Variants in TMTC2 observed in about 807,000 individuals in gnomAD.
TMTC2 encodes the protein transmembrane O-mannosyltransferase targeting cadherins 2.
Under a neutral mutation model 82.4 loss-of-function variants are expected in TMTC2, and 43 were observed. The observed-to-expected ratio is 0.52, with a 90% CI of 0.41 to 0.67. TMTC2 has a LOEUF of 0.67. Among genes scored for constraint, TMTC2 ranks in the 30% least tolerant of loss-of-function variants. The pLI is 0.00. For missense variants in TMTC2, 919 were observed against 1,012.4 expected, an observed-to-expected ratio of 0.91 and a Z score of 1.25; for synonymous variants, 408 against 381.9, an observed-to-expected ratio of 1.07 and a Z score of -0.80.
At chr12:82,944,484 G>A (rs1876889250) in intron 4 of TMTC2, among the ~76,000 whole-genome samples, 1 of 149,634 alleles carries the variant, frequency 6.7e-6, no homozygotes. Flanking sequence ...CTCCCAGGCA[G>A]GAGAAAGGCG....
intron 2 of TMTC2, among the ~76,000 whole-genome samples, chr12:82,880,010 C>T (rs571668092): frequency 3.3e-5 from 5 of 152,276 alleles, no homozygotes; most frequent in Admixed American, 2.0e-4. Flanking sequence ...CTTCTTTCCT[C>T]ATAATATCTG....
chr12:83,108,374 A>T (rs2137542539), intron 11 of TMTC2, among the ~76,000 whole-genome samples: 1 of 152,286 alleles, frequency 6.6e-6, no homozygotes, highest in South Asian at 2.1e-4. Flanking sequence ...AATTGACATT[A>T]TAAAACGTGA....
intron 11 of TMTC2, among the ~76,000 whole-genome samples, chr12:83,088,942 T>A (rs2137515937): frequency 6.6e-6 from 1 of 152,310 alleles, no homozygotes; most frequent in Admixed American, 6.5e-5. Context: ...ATAGGATGCA[T>A]GAATCCACCC....
chr12:83,002,300 T>C (rs1012994559), intron 8 of TMTC2, among the ~76,000 whole-genome samples: 3 of 152,162 alleles, frequency 2.0e-5, no homozygotes, highest in African/African-American at 7.2e-5. Context: ...TGTAATGTCA[T>C]CTTTGTTATG....
At chr12:82,998,419 G>C (rs1201833613) in intron 8 of TMTC2, among the ~76,000 whole-genome samples, 2 of 152,044 alleles carry the variant, frequency 1.3e-5, no homozygotes, top group Non-Finnish European at 2.9e-5. Context: ...ATGCATTTAA[G>C]GATGTATATG....
intron 9 of TMTC2, among the ~76,000 whole-genome samples, chr12:83,045,751 A>ACACACACACACACACACACACACC (rs1565867415): frequency 2.9e-5 from 4 of 138,204 alleles, no homozygotes; most frequent in East Asian, 4.5e-4. Flanking sequence ...ACACACACAC[A>ACACACACACACACACACACACACC]CCAGGAGTGT....
chr12:82,929,143 T>A (rs2137240750), intron 3 of TMTC2, among the ~76,000 whole-genome samples: 1 of 152,228 alleles, frequency 6.6e-6, no homozygotes, highest in East Asian at 1.9e-4. Flanking sequence ...GGCGTGATCA[T>A]GGCTCACTGT....
chr12:83,045,620 T>C, intron 9 of TMTC2, among the ~76,000 whole-genome samples: 1 of 152,004 alleles, frequency 6.6e-6, no homozygotes, highest in Admixed American at 6.6e-5. Flanking sequence ...TATACACATA[T>C]GTGTAAACTA....
At chr12:82,706,718 C>T (rs1873376586) in intron 1 of TMTC2, among the ~76,000 whole-genome samples, 1 of 152,104 alleles carries the variant, frequency 6.6e-6, no homozygotes, top group Admixed American at 6.5e-5. Flanking sequence ...CTTGACTTTA[C>T]TTGGTAAGTA....
chr12:83,122,753 C>A (rs1276703747), intron 11 of TMTC2, among the ~76,000 whole-genome samples: 2 of 152,106 alleles, frequency 1.3e-5, no homozygotes, highest in African/African-American at 2.4e-5. Context: ...TTTATTCCTG[C>A]AGTTGTTCTG....
intron 1 of TMTC2, among the ~76,000 whole-genome samples, chr12:82,731,978 C>T (rs1224140693): frequency 1.3e-5 from 2 of 152,184 alleles, no homozygotes; most frequent in South Asian, 2.1e-4. Context: ...TGGCTTTGCT[C>T]ATTTTCCTGT....
chr12:82,890,695 C>T (rs1873351471), intron 2 of TMTC2, among the ~76,000 whole-genome samples: 1 of 152,134 alleles, frequency 6.6e-6, no homozygotes, highest in South Asian at 2.1e-4. Context: ...AGTTTGAAAA[C>T]TATCCTTTAA....
chr12:82,688,053 T>A (rs915215298), intron 1 of TMTC2, among the ~76,000 whole-genome samples: 1 of 152,230 alleles, frequency 6.6e-6, no homozygotes, highest in Non-Finnish European at 1.5e-5. Flanking sequence ...AAGCCTCTCC[T>A]CGATCCCTGA....
At chr12:82,920,230 C>T (rs1288657694) in intron 3 of TMTC2, among the ~76,000 whole-genome samples, 1 of 152,108 alleles carries the variant, frequency 6.6e-6, no homozygotes, top group Non-Finnish European at 1.5e-5. Context: ...TCTCAAATCT[C>T]CCTGTATTGA....
intron 3 of TMTC2, among the ~76,000 whole-genome samples, chr12:82,899,061 A>G (rs1565799652): frequency 6.6e-6 from 1 of 152,206 alleles, no homozygotes; most frequent in Non-Finnish European, 1.5e-5. Context: ...AAGTAAAACA[A>G]TTATTAAACA....
chr12:83,045,897 T>C (rs1882103717), intron 9 of TMTC2, among the ~76,000 whole-genome samples: 1 of 152,060 alleles, frequency 6.6e-6, no homozygotes, highest in Admixed American at 6.6e-5. Context: ...ACCTTCCTGA[T>C]AAGATCTCAG....
intron 1 of TMTC2, among the ~76,000 whole-genome samples, chr12:82,816,364 C>A (rs1469643275): frequency 6.6e-6 from 1 of 152,000 alleles, no homozygotes; most frequent in Non-Finnish European, 1.5e-5. Context: ...CCATTTGATA[C>A]ATACGTACAA....
At chr12:82,714,512 T>C (rs1434101499) in intron 1 of TMTC2, among the ~76,000 whole-genome samples, 1 of 152,154 alleles carries the variant, frequency 6.6e-6, no homozygotes, top group African/African-American at 2.4e-5. Context: ...TTTGGGTCTT[T>C]TATTTCTATG....
At chr12:82,890,086 A>G (rs1873319803) in intron 2 of TMTC2, among the ~76,000 whole-genome samples, 1 of 152,190 alleles carries the variant, frequency 6.6e-6, no homozygotes, top group Admixed American at 6.5e-5. Flanking sequence ...TACCTGTTCT[A>G]GAACAGTATC....
Sources: allele counts gnomAD v4.1 joint callset (sites outside exome capture counted in the v4.1 genomes callset), GRCh38; gene constraint gnomAD v4.1.1; transcripts MANE v1.5; gene names NCBI Gene and HGNC (gene_info 2026-07-23, HGNC 2026-07-21).